Variants in TPRN observed in about 807,000 individuals in gnomAD.
TPRN encodes chromosome 9 open reading frame 75.
TPRN carries 32 observed loss-of-function variants against 42.6 expected under a neutral mutation model. The ratio of observed to expected loss-of-function variants is 0.75; its 90% CI spans 0.57 to 1.01. The LOEUF (loss-of-function observed/expected upper bound fraction) is 1.01. Among genes scored for constraint, TPRN ranks in the 50% least tolerant of loss-of-function variants. TPRN has a pLI of 0.00. For synonymous variants in TPRN, 541 were observed against 445.6 expected, an observed-to-expected ratio of 1.21 and a Z score of -2.70; for missense variants, 1,095 against 957.5, an observed-to-expected ratio of 1.14 and a Z score of -1.90.
Position 137,199,146 on chromosome 9 carries a change from CCT to C in TPRN, c.1564_1565del (p.Arg522GlyfsTer13). 2 of 1,613,252 alleles carry C rather than the reference CCT, an allele frequency of 1.2e-6. No homozygotes were observed. Among genetic ancestry groups the C allele is most frequent in the Non-Finnish European group, 1.7e-6 (2 of 1,180,006 alleles). Reference sequence around the variant, plus strand: ...CCTCGGCCTCCCGTGGCCGAGGCTCCCTGTTGGCCTGACTGAAGTGCTGGTCC... The same window carrying C: ...CCTCGGCCTCCCGTGGCCGAGGCTCCGTTGGCCTGACTGAAGTGCTGGTCC... ...LQDQHFSQAN[R>X]EPRPREAEEE... On this transcript the variant is annotated frameshift_variant, in exon 1 of 4. Transcript: ENST00000409012. LOFTEE classifies it high-confidence loss of function.
chr9:137,199,489 T>C lies in TPRN; in HGVS notation c.1223A>G (p.Asp408Gly). 1 of 1,589,538 alleles carries C rather than the reference T, an allele frequency of 6.3e-7. No individual in the cohort carries two copies. The highest frequency in any genetic ancestry group is 8.6e-7 in the Non-Finnish European group (1 of 1,168,816). The change falls in exon 1 of 4, where the codon GAC (aspartate) becomes GGC (glycine). Residue 408 changes from aspartate to glycine, a missense_variant. Asp to Gly is a moderately conservative substitution (Grantham distance 94, BLOSUM62 -1). Transcript: ENST00000409012. ...ACPRTATALA[D>G]RAIRWQRPSS... is the part of the protein sequence containing the mutation. Reference sequence around the variant, plus strand: ...CGGCCTCTGCCACCTAATAGCCCGGTCAGCGAGGGCGGTGGCTGTCCTGGG... The same window carrying C: ...CGGCCTCTGCCACCTAATAGCCCGGCCAGCGAGGGCGGTGGCTGTCCTGGG...
Position 137,192,152 on chromosome 9 carries a change from T to A in TPRN, c.2096A>T (p.Asp699Val). ...TGGCTCGCTGCGGAAGTCCGAGAGG[T>A]CATTCTGACTGGCGGGTGTGAGCTG... ...EAMLTPASQN[D>V]LSDFRSEPAL... is the part of the protein sequence containing the mutation. Residue 699 changes from aspartate to valine, a missense_variant, in exon 4 of 4, where the codon GAC (aspartate) becomes GTC (valine). Coordinates refer to ENST00000409012, the MANE Select transcript of TPRN (RefSeq NM_001128228.3). 6.2e-7 allele frequency: 1 copy of A among 1,613,356 alleles called. No individual in the cohort carries two copies. The highest frequency in any genetic ancestry group is 1.1e-5 in the South Asian group (1 of 91,080).
Position 137,200,108 on chromosome 9 carries a change from T to C in TPRN, c.604A>G (p.Ser202Gly), listed in dbSNP as rs1180768274. 1.5e-6 allele frequency: 2 copies of C among 1,297,002 alleles called. No individual in the cohort carries two copies. The highest frequency in any genetic ancestry group is 1.9e-6 in the Non-Finnish European group (2 of 1,025,956). The allele number at this position is 1,297,002 out of a possible 1,614,324, so 80.3% of individuals were successfully genotyped here. A position where few individuals can be genotyped will look rare whatever the true frequency, so the allele number is the denominator to read the frequency against. ...RRSDFLQKTG[S>G]NSFTVHPRGL... ...CGGGGGTGGACGGTGAAGGAGTTGC[T>C]GCCGGTCTTCTGGAGGAAGTCGCTG... The change falls in exon 1 of 4, where the codon AGC (serine) becomes GGC (glycine). Residue 202 changes from serine to glycine, a missense_variant. Transcript: ENST00000409012. The surrounding 1 kb of genome is among the most constrained non-coding windows in gnomAD (Gnocchi z 4.3).
chr9:137,199,994 C>T lies in TPRN; in HGVS notation c.718G>A (p.Gly240Ser). 1 of 1,444,760 alleles carries T rather than the reference C, an allele frequency of 6.9e-7. No homozygotes were observed. Among genetic ancestry groups the T allele is most frequent in the South Asian group, 1.5e-5 (1 of 68,870 alleles). The allele number at this position is 1,444,760 out of a possible 1,614,324, so 89.5% of individuals were successfully genotyped here. A position where few individuals can be genotyped will look rare whatever the true frequency, so the allele number is the denominator to read the frequency against. The change falls in exon 1 of 4, where the codon GGC becomes AGC. Residue 240 changes from glycine to serine, a missense_variant. Physicochemically the swap from Gly to Ser is moderately conservative, Grantham distance 56. Coordinates refer to ENST00000409012, the MANE Select transcript of TPRN (RefSeq NM_001128228.3). ...PRAGPANRLAGSPPGSGQWKP... is the reference protein window; with the variant it reads ...PRAGPANRLASSPPGSGQWKP... ...CACTGTCCCGACCCAGGCGGGGAGC[C>T]CGCGAGGCGGTTGGCAGGGCCGGCC...
In TPRN at chr9:137,199,048, A is replaced by G. The variant is rs148259702; in HGVS notation, c.1664T>C (p.Ile555Thr). 2.5e-5 allele frequency: 41 copies of G among 1,613,150 alleles called. No homozygotes were observed. The highest frequency in any genetic ancestry group is 1.0e-4 in the Admixed American group (6 of 60,016). ...RYPTVHEIEVIGGYLALQKSC... is the reference protein window; with the variant it reads ...RYPTVHEIEVTGGYLALQKSC... ...CTTCTGCAGGGCCAGGTAGCCGCCA[A>G]TCACCTCGATCTCATGCACGGTGGG... The change falls in exon 1 of 4, where the codon ATT (isoleucine) becomes ACT (threonine). Residue 555 changes from isoleucine to threonine, a missense_variant. Ile to Thr is a moderately conservative substitution (Grantham distance 89). Coordinates refer to ENST00000409012, the MANE Select transcript of TPRN (RefSeq NM_001128228.3).
chr9:137,192,259 C>A lies in TPRN; in HGVS notation c.2073G>T (p.Met691Ile). Residue 691 changes from methionine to isoleucine, a missense_variant and splice_region_variant, in exon 3 of 4, where the codon ATG becomes ATT. Transcript: ENST00000409012. ...REAEPPPVEA[M>I]LTPASQNDLS... ...AGCGCTCCACTCCCCCGCATCTCAC[C>A]ATGGCCTCCACGGGCGGGGGCTCTG... 1 of 1,613,158 alleles carries A rather than the reference C, an allele frequency of 6.2e-7. No individual in the cohort carries two copies. Among genetic ancestry groups the A allele is most frequent in the South Asian group, 1.1e-5 (1 of 91,084 alleles).
rs1437131100 is a variant in TPRN, at chr9:137,192,150, G to A, written c.2098C>T (p.Leu700Phe). The change falls in exon 4 of 4, where the codon CTC (leucine) becomes TTC (phenylalanine). Residue 700 changes from leucine to phenylalanine, a missense_variant. Leu to Phe is a conservative substitution (Grantham distance 22). Coordinates refer to ENST00000409012, the MANE Select transcript of TPRN (RefSeq NM_001128228.3). ...GCTGGCTCGCTGCGGAAGTCCGAGA[G>A]GTCATTCTGACTGGCGGGTGTGAGC... ...AMLTPASQND[L>F]SDFRSEPALY... The A allele has an allele frequency of 6.2e-7, 1 of 1,613,608 alleles. No homozygotes were observed. The highest frequency in any genetic ancestry group is 1.3e-5 in the African/African-American group (1 of 74,928).
rs777534343 is a variant in TPRN, at chr9:137,192,628, G to A, written c.1789C>T (p.Leu597=). The change falls in exon 2 of 4, where the codon CTA becomes TTA. Residue 597 remains leucine, a synonymous_variant. Transcript: ENST00000409012. Reference sequence around the variant, plus strand: ...TGGTCCACCTCTTCCTCCTGCTCTAGGGAGCTCTCGGAAGGGTACTCAAAT... The same window carrying A: ...TGGTCCACCTCTTCCTCCTGCTCTAAGGAGCTCTCGGAAGGGTACTCAAAT... ...TTFEYPSESS[L]EQEEEVDQQE... 4.3e-6 allele frequency: 7 copies of A among 1,613,604 alleles called. No individual in the cohort carries two copies. The African/African-American group carries it at 8.0e-5, about 18-fold the overall frequency.
Position 137,199,745 on chromosome 9 carries a change from G to A in TPRN, c.967C>T (p.Leu323Phe). 6 of 1,612,078 alleles carry A rather than the reference G, an allele frequency of 3.7e-6. No homozygotes were observed. Among genetic ancestry groups the A allele is most frequent in the South Asian group, 1.1e-5 (1 of 90,900 alleles). ...GDLQARALAS[L>F]RANSRNSFMV... ...AAAGAATTTCGAGAGTTTGCGCGGA[G>A]GCTGGCCAGCGCCCGGGCCTGGAGG... The change falls in exon 1 of 4, where the codon CTC becomes TTC. Residue 323 changes from leucine to phenylalanine, a missense_variant. By Grantham distance (22) the Leu-to-Phe change is conservative. Transcript: ENST00000409012.
At chr9:137,196,648 C>G (rs1025203686) in intron 1 of TPRN, among the ~76,000 whole-genome samples, 3 of 152,290 alleles carry the variant, frequency 2.0e-5, no homozygotes, top group African/African-American at 7.2e-5. Context: ...GCACAGGACC[C>G]GCAGGGGCAC....
Position 137,192,510 on chromosome 9 carries a change from CG to C in TPRN, c.1906del (p.Arg636GlyfsTer5), listed in dbSNP as rs757361872. The C allele has an allele frequency of 4.4e-6, 7 of 1,606,170 alleles. No individual in the cohort carries two copies. Among genetic ancestry groups the C allele is most frequent in the Non-Finnish European group, 5.9e-6 (7 of 1,176,674 alleles). On this transcript the variant is annotated frameshift_variant, in exon 2 of 4. Coordinates refer to ENST00000409012, the MANE Select transcript of TPRN (RefSeq NM_001128228.3). LOFTEE classifies it high-confidence loss of function. ...TCTCACGCTGCTCACAAACGTGGCC[CG>C]GGGCAGGAAGAGTGCAAAGGGCTTC... ...EEKPFALFLP[R>X]ATFVSSVRPE...
Position 137,199,326 on chromosome 9 carries a change from G to T in TPRN, c.1386C>A (p.Asp462Glu), listed in dbSNP as rs369288822. The T allele has an allele frequency of 3.0e-5, 49 of 1,612,656 alleles. No homozygotes were observed. In the African/African-American group the frequency reaches 5.7e-4, roughly 19 times the overall value. The change falls in exon 1 of 4, where the codon GAC (aspartate) becomes GAA (glutamate). Residue 462 changes from aspartate to glutamate, a missense_variant. Transcript: ENST00000409012. Reference sequence around the variant, plus strand: ...TGGCTGCTTGGGGGGCCTCCTCCGAGTCTACCTCATCGATGAAGGTGACAG... The same window carrying T: ...TGGCTGCTTGGGGGGCCTCCTCCGATTCTACCTCATCGATGAAGGTGACAG... ...GLPVTFIDEVDSEEAPQAAKL... is the reference protein window; with the variant it reads ...GLPVTFIDEVESEEAPQAAKL...
At position 137,199,866 on chromosome 9, in the gene TPRN, G is replaced by A; in HGVS notation, c.846C>T (p.Ser282=). ...PASPPASATP[S]QRQCVSAATS... Reference sequence around the variant, plus strand: ...TGGCTGCGGAGACGCACTGGCGCTGGCTAGGAGTGGCACTGGCAGGGGGTG... The same window carrying A: ...TGGCTGCGGAGACGCACTGGCGCTGACTAGGAGTGGCACTGGCAGGGGGTG... Residue 282 remains serine (S), a synonymous_variant, in exon 1 of 4, where the codon AGC becomes AGT. Coordinates refer to ENST00000409012, the MANE Select transcript of TPRN (RefSeq NM_001128228.3). The A allele has an allele frequency of 2.6e-6, 4 of 1,550,046 alleles. No homozygotes were observed. The highest frequency in any genetic ancestry group is 3.5e-6 in the Non-Finnish European group (4 of 1,146,168).
rs1834752735 is a variant in TPRN, at chr9:137,199,157, G to C, written c.1555C>G (p.Gln519Glu). Residue 519 changes from glutamine to glutamate, a missense_variant, in exon 1 of 4, where the codon CAG becomes GAG. By Grantham distance (29) the Gln-to-Glu change is conservative. Transcript: ENST00000409012. ...CGTGGCCGAGGCTCCCTGTTGGCCT[G>C]ACTGAAGTGCTGGTCCTGCAGAGTC... ...PGTLQDQHFS[Q>E]ANREPRPREA... 1.2e-6 allele frequency: 2 copies of C among 1,613,132 alleles called. No homozygotes were observed. The highest frequency in any genetic ancestry group is 2.7e-5 in the African/African-American group (2 of 74,946).
chr9:137,196,944 C>A lies in TPRN; in HGVS notation c.1725+2043G>T, dbSNP rs1164424690. ...CCATCTGGACCCCCACCCCTTCAGGCTGGCCCGAGCTCCTCCCTCCTGCTG... is the reference window on the plus strand; with the variant it reads ...CCATCTGGACCCCCACCCCTTCAGGATGGCCCGAGCTCCTCCCTCCTGCTG... On this transcript the variant is annotated intron_variant, in intron 1 of 3. Coordinates refer to ENST00000409012, the MANE Select transcript of TPRN (RefSeq NM_001128228.3). Among the ~76,000 whole-genome samples, 6 of 152,244 alleles carry A rather than the reference C, an allele frequency of 3.9e-5. 1 individual carries two copies.
Position 137,199,305 on chromosome 9 carries a change from T to C in TPRN, c.1407A>G (p.Ala469=). The change falls in exon 1 of 4, where the codon GCA becomes GCG. Residue 469 remains alanine (A), a synonymous_variant. Coordinates refer to ENST00000409012, the MANE Select transcript of TPRN (RefSeq NM_001128228.3). ...GGTGCGGGAGGTAGGGTAGTTTGGC[T>C]GCTTGGGGGGCCTCCTCCGAGTCTA... ...DEVDSEEAPQ[A]AKLPYLPHPA... is the part of the protein sequence containing the mutation. The C allele has an allele frequency of 6.2e-7, 1 of 1,612,470 alleles. No homozygotes were observed.
In TPRN at chr9:137,199,059, C is replaced by T. The variant is rs1439510673; in HGVS notation, c.1653G>A (p.Glu551=). The T allele has an allele frequency of 1.2e-6, 2 of 1,613,346 alleles. No individual in the cohort carries two copies. Among genetic ancestry groups the T allele is most frequent in the African/African-American group, 1.3e-5 (1 of 75,070 alleles). ...TLKKRYPTVH[E]IEVIGGYLAL... ...CCAGGTAGCCGCCAATCACCTCGAT[C>T]TCATGCACGGTGGGGTAGCGCTTCT... The change falls in exon 1 of 4, where the codon GAG becomes GAA. Residue 551 remains glutamate (E), a synonymous_variant. Transcript: ENST00000409012.
chr9:137,196,185 G>A (rs1052160096), intron 1 of TPRN, among the ~76,000 whole-genome samples: 1 of 152,162 alleles, frequency 6.6e-6, no homozygotes, highest in African/African-American at 2.4e-5. Flanking sequence ...ACCGCCAGCC[G>A]CTGAGGTGCA....
intron 1 of TPRN, among the ~76,000 whole-genome samples, chr9:137,195,686 C>T (rs537216290): frequency 2.6e-5 from 4 of 152,246 alleles, no homozygotes; most frequent in African/African-American, 4.8e-5. Flanking sequence ...GACACTGACA[C>T]GCTCCAGCTG....
Sources: gnomAD v4.1 joint callset for allele counts (sites outside exome capture counted in the v4.1 genomes callset) on GRCh38, gnomAD v4.1.1 for gene constraint, Gnocchi (gnomAD v3.1) non-coding constraint, MANE v1.5 for transcripts, NCBI Gene and HGNC (gene_info 2026-07-23, HGNC 2026-07-21) for gene names.